The following LIN52 variants were observed in gnomAD, a reference collection of about 807,000 sequenced individuals.
The protein encoded by LIN52 is protein lin-52 homolog.
LIN52 carries 4 observed loss-of-function variants against 18.5 expected under a neutral mutation model. The ratio of observed to expected loss-of-function variants is 0.22; its 90% confidence interval spans 0.11 to 0.49. The LOEUF is 0.49. Among genes scored for constraint, LIN52 ranks in the 20% least tolerant of loss-of-function variants. The pLI, the probability that LIN52 is intolerant of heterozygous loss-of-function variation, is 0.97. For missense variants in LIN52, 102 were observed against 139.5 expected, an observed-to-expected ratio of 0.73 and a Z score of 1.35; for synonymous variants, 34 against 45.5, an observed-to-expected ratio of 0.75 and a Z score of 1.02.
chr14:74,124,744 G>C (rs976293001), intron 5 of LIN52, among the ~76,000 whole-genome samples: 1 of 148,858 alleles, frequency 6.7e-6, no homozygotes, highest in African/African-American at 2.5e-5. Context: ...CTGGGAGGTG[G>C]AGGTTGCAGT....
At chr14:74,104,147 T>C (rs1019937415) in intron 5 of LIN52, among the ~76,000 whole-genome samples, 2 of 152,098 alleles carry the variant, frequency 1.3e-5, no homozygotes, top group African/African-American at 4.8e-5. Flanking sequence ...TCCACCTGCC[T>C]CAGCATCCCA....
At chr14:74,182,258 C>T (rs1180777559) in intron 5 of LIN52, among the ~76,000 whole-genome samples, 4 of 152,158 alleles carry the variant, frequency 2.6e-5, no homozygotes, top group Non-Finnish European at 5.9e-5. Flanking sequence ...GCGGTCTGCC[C>T]GCCTAGGCCT....
At chr14:74,149,826 G>A (rs1409213247) in intron 5 of LIN52, among the ~76,000 whole-genome samples, 1 of 152,102 alleles carries the variant, frequency 6.6e-6, no homozygotes, top group African/African-American at 2.4e-5. Flanking sequence ...AGTGACATGG[G>A]ATACAGACTC....
intron 5 of LIN52, among the ~76,000 whole-genome samples, chr14:74,128,035 C>A (rs1266344725): frequency 6.6e-6 from 1 of 152,180 alleles, no homozygotes. Context: ...GGACTAGATT[C>A]ACCTTCTTAC....
chr14:74,193,417 TAAA>T (rs34984934), intron 5 of LIN52, among the ~76,000 whole-genome samples: 1 of 147,686 alleles, frequency 6.8e-6, no homozygotes. Flanking sequence ...TTGTCTCTTA[TAAA>T]AAAAAAAAAA....
intron 5 of LIN52, among the ~76,000 whole-genome samples, chr14:74,184,678 C>G (rs2061333512): frequency 6.6e-6 from 1 of 152,088 alleles, no homozygotes; most frequent in African/African-American, 2.4e-5. Context: ...TGTTTGGCTT[C>G]CCTGAAATAC....
chr14:74,194,196 G>A (rs1396167650), intron 5 of LIN52, among the ~76,000 whole-genome samples: 1 of 152,140 alleles, frequency 6.6e-6, no homozygotes, highest in East Asian at 1.9e-4. Flanking sequence ...CGTTAACCAG[G>A]GTGCCTCTGG....
intron 5 of LIN52, among the ~76,000 whole-genome samples, chr14:74,152,084 GAA>G (rs1193170573): frequency 1.3e-5 from 2 of 152,050 alleles, no homozygotes; most frequent in Non-Finnish European, 2.9e-5. Context: ...CCAACATGGT[GAA>G]ACCCCATCTC....
intron 5 of LIN52, among the ~76,000 whole-genome samples, chr14:74,194,377 G>A (rs1276629624): frequency 6.6e-6 from 1 of 152,208 alleles, no homozygotes; most frequent in African/African-American, 2.4e-5. Flanking sequence ...CTAAAGAAGA[G>A]ATTATATTAA....
At chr14:74,173,426 A>G (rs2061279630) in intron 5 of LIN52, among the ~76,000 whole-genome samples, 1 of 152,146 alleles carries the variant, frequency 6.6e-6, no homozygotes. Flanking sequence ...ACCTCAGGTG[A>G]TCCGCCCGCC....
At chr14:74,090,423 C>T (rs774241400) in intron 1 of LIN52, among the ~76,000 whole-genome samples, 1 of 152,032 alleles carries the variant, frequency 6.6e-6, no homozygotes, top group Non-Finnish European at 1.5e-5. Flanking sequence ...GTAACCTCTG[C>T]CTCCCGGGTT....
intron 5 of LIN52, among the ~76,000 whole-genome samples, chr14:74,168,992 T>C (rs900084358): frequency 6.6e-6 from 1 of 152,110 alleles, no homozygotes; most frequent in Non-Finnish European, 1.5e-5. Flanking sequence ...AGGTGGAGTT[T>C]CCAGTGTGCC....
chr14:74,180,692 C>T (rs957750532), intron 5 of LIN52, among the ~76,000 whole-genome samples: 1 of 152,202 alleles, frequency 6.6e-6, no homozygotes, highest in African/African-American at 2.4e-5. Flanking sequence ...CTCTAACCTT[C>T]TGATTTTGAG....
chr14:74,180,982 T>C (rs1442893964), intron 5 of LIN52, among the ~76,000 whole-genome samples: 1 of 151,164 alleles, frequency 6.6e-6, no homozygotes, highest in Non-Finnish European at 1.5e-5. Context: ...TGGTACGCAC[T>C]TGTAATCCCA....
At chr14:74,114,482 G>A (rs2060951391) in intron 5 of LIN52, 9 of 928,860 alleles carry the variant, frequency 9.7e-6, no homozygotes, top group African/African-American at 1.8e-5. Flanking sequence ...ATTTTTAGGA[G>A]TAGGTAAATG....
At chr14:74,165,894 ATT>A (rs200429693) in intron 5 of LIN52, among the ~76,000 whole-genome samples, 2 of 141,856 alleles carry the variant, frequency 1.4e-5, no homozygotes. Flanking sequence ...TATTTCACCA[ATT>A]TTTTTTTTTT....
chr14:74,146,540 A>T (rs1369410093), intron 5 of LIN52, among the ~76,000 whole-genome samples: 1 of 152,156 alleles, frequency 6.6e-6, no homozygotes, highest in Non-Finnish European at 1.5e-5. Flanking sequence ...ATTGACTTTC[A>T]TGCCTTCATA....
chr14:74,171,294 G>A (rs1214555579), intron 5 of LIN52, among the ~76,000 whole-genome samples: 1 of 151,482 alleles, frequency 6.6e-6, no homozygotes. Context: ...TTGCTTTGAA[G>A]GTCAAGGCTG....
chr14:74,129,763 C>T (rs1488097145), intron 5 of LIN52, among the ~76,000 whole-genome samples: 2 of 152,126 alleles, frequency 1.3e-5, no homozygotes, highest in African/African-American at 2.4e-5. Flanking sequence ...CAAGAGGATT[C>T]CTTGAATCCA....
Sources: gnomAD v4.1 joint callset for allele counts (sites outside exome capture counted in the v4.1 genomes callset) on GRCh38, gnomAD v4.1.1 for gene constraint, MANE v1.5 for transcripts, NCBI Gene and HGNC (gene_info 2026-07-23, HGNC 2026-07-21) for gene names.